The following PEX5L variants were observed in gnomAD, a reference collection of about 807,000 sequenced individuals.
PEX5L encodes the protein PEX5-related protein.
Under a neutral mutation model 84.0 loss-of-function variants are expected in PEX5L, and 30 were observed. That is an observed-to-expected ratio of 0.36 (90% CI 0.27 to 0.48). The LOEUF (loss-of-function observed/expected upper bound fraction) is 0.48, where lower values mean the gene tolerates loss of function less well. Ranked by LOEUF, PEX5L falls within the 20% of genes least tolerant of loss-of-function variation. The pLI, the probability that PEX5L is intolerant of heterozygous loss-of-function variation, is 0.99. For missense variants in PEX5L, 533 were observed against 754.6 expected, an observed-to-expected ratio of 0.71 and a Z score of 3.44; for synonymous variants, 270 against 283.1, an observed-to-expected ratio of 0.95 and a Z score of 0.46.
chr3:179,951,460 T>G (rs1434009201), intron 2 of PEX5L, among the ~76,000 whole-genome samples: 1 of 151,962 alleles, frequency 6.6e-6, no homozygotes, highest in Admixed American at 6.6e-5. Flanking sequence ...CTACAAAGAC[T>G]CCTTAAAAAA....
intron 1 of PEX5L, chr3:179,973,311 C>T: frequency 1.6e-6 from 2 of 1,261,118 alleles, no homozygotes; most frequent in Non-Finnish European, 1.0e-6. Context: ...GACCAGAGAA[C>T]CACAGATCTT....
chr3:179,961,566 C>T (rs577938138), intron 2 of PEX5L, among the ~76,000 whole-genome samples: 7 of 152,204 alleles, frequency 4.6e-5, no homozygotes, highest in African/African-American at 1.7e-4. Context: ...AGAGCGTGGG[C>T]ATCTCAGTCC....
chr3:179,878,988 C>T (rs1301862237), intron 5 of PEX5L, among the ~76,000 whole-genome samples: 1 of 152,156 alleles, frequency 6.6e-6, no homozygotes, highest in Non-Finnish European at 1.5e-5. Flanking sequence ...TAAATTAATT[C>T]ATGACCATTT....
At chr3:179,936,059 TCTCAGG>T (rs1560793898) in intron 2 of PEX5L, among the ~76,000 whole-genome samples, 1 of 152,148 alleles carries the variant, frequency 6.6e-6, no homozygotes, top group African/African-American at 2.4e-5. Flanking sequence ...AATTATCCAG[TCTCAGG>T]TATCTTGTTA....
chr3:179,874,600 GTAAGAGGCTACAGTGTGC>G (rs1751520998), intron 6 of PEX5L, among the ~76,000 whole-genome samples, 177 bp from the exon 7 acceptor site: 2 of 152,074 alleles, frequency 1.3e-5, no homozygotes, highest in Admixed American at 1.3e-4. Flanking sequence ...CTTTCAGAAT[GTAAGAGGCTACAGTGTGC>G]TAGGTGTTAT....
chr3:179,979,308 A>G (rs1786094931), intron 1 of PEX5L, among the ~76,000 whole-genome samples: 1 of 152,146 alleles, frequency 6.6e-6, no homozygotes, highest in Non-Finnish European at 1.5e-5. Flanking sequence ...TTTTTCTTTC[A>G]GCTGGCATGT....
In PEX5L at chr3:179,831,423, GA is replaced by G. The variant is rs576294986; in HGVS notation, c.823-11448del. On this transcript the variant is annotated intron_variant, in intron 8 of 14. Coordinates refer to ENST00000467460, the MANE Select transcript of PEX5L (RefSeq NM_016559.3). Reference sequence around the variant, plus strand: ...CTCTTTGAAGTAATTCATAAAATTTGAAGGGTAGCATCTTCTCAAAGTAATC... The same window carrying G: ...CTCTTTGAAGTAATTCATAAAATTTGAGGGTAGCATCTTCTCAAAGTAATC... Among the ~76,000 whole-genome samples the G allele has an allele frequency of 1.1e-4, 17 of 151,810 alleles. No homozygotes were observed. The East Asian group carries it at 3.3e-3, about 29-fold the overall frequency.
At chr3:179,980,997 C>A (rs901920491) in intron 1 of PEX5L, among the ~76,000 whole-genome samples, 9 of 147,390 alleles carry the variant, frequency 6.1e-5, no homozygotes, top group African/African-American at 2.3e-4. Flanking sequence ...GTACTCTAGT[C>A]TGGGTGACAG....
intron 11 of PEX5L, among the ~76,000 whole-genome samples, chr3:179,811,291 T>A (rs555446565): frequency 6.6e-6 from 1 of 152,146 alleles, no homozygotes; most frequent in African/African-American, 2.4e-5. Flanking sequence ...TATAGCACTA[T>A]ATTAAAGGCA....
chr3:179,872,086 T>C (rs143803029), intron 7 of PEX5L, among the ~76,000 whole-genome samples: 2 of 152,278 alleles, frequency 1.3e-5, no homozygotes, highest in African/African-American at 2.4e-5. Flanking sequence ...GGTTTTGCTA[T>C]GTATCCCAGG....
At chr3:179,893,470 G>A (rs868332832) in intron 3 of PEX5L, among the ~76,000 whole-genome samples, 3 of 151,946 alleles carry the variant, frequency 2.0e-5, no homozygotes, top group Non-Finnish European at 2.9e-5. Context: ...ATCTTGTTTC[G>A]TGACTTGAAT....
chr3:179,818,591 C>T (rs1004384382), intron 9 of PEX5L, among the ~76,000 whole-genome samples: 1 of 151,860 alleles, frequency 6.6e-6, no homozygotes, highest in African/African-American at 2.4e-5. Context: ...GTTCCCTACC[C>T]CCCTCCCCTG....
chr3:179,978,461 A>T (rs773087806), intron 1 of PEX5L, among the ~76,000 whole-genome samples: 5 of 152,162 alleles, frequency 3.3e-5, no homozygotes, highest in Non-Finnish European at 5.9e-5. Flanking sequence ...CACACTGCAA[A>T]GTTAAAATAA....
rs375446385 is a variant in PEX5L at position 179,925,309 on chromosome 3, C to T, written c.94-27063G>A. 4.6e-5 allele frequency among the ~76,000 whole-genome samples: 7 copies of T among 152,136 alleles called. No individual in the cohort carries two copies. In the South Asian group the frequency reaches 6.2e-4, roughly 14 times the overall value. ...TCCTCACGCCCCTACTCCCCATCTG[C>T]CTAGCTCACCCGTCCATCATGCCCT... On this transcript the variant is annotated intron_variant, in intron 2 of 14. Transcript: ENST00000467460.
At chr3:179,867,761 C>T (rs760087744) in intron 7 of PEX5L, among the ~76,000 whole-genome samples, 3 of 152,100 alleles carry the variant, frequency 2.0e-5, no homozygotes, top group African/African-American at 7.2e-5. Flanking sequence ...AAAGTAAGGG[C>T]TTGACAATCA....
chr3:179,998,152 G>T (rs56116940), intron 1 of PEX5L, among the ~76,000 whole-genome samples: 19,393 of 152,204 alleles, frequency 0.13, 1,371 homozygotes, highest in African/African-American at 0.19. Flanking sequence ...CCAGTGGTGT[G>T]GGGCCTGTCG....
chr3:179,844,097 T>C (rs187577928), intron 8 of PEX5L, among the ~76,000 whole-genome samples: 18 of 152,352 alleles, frequency 1.2e-4, no homozygotes, highest in African/African-American at 4.1e-4. Flanking sequence ...ACTTCCATTA[T>C]GCTCCGGATC....
At chr3:179,946,257 A>C (rs1157274192) in intron 2 of PEX5L, among the ~76,000 whole-genome samples, 5 of 152,194 alleles carry the variant, frequency 3.3e-5, no homozygotes, top group African/African-American at 1.2e-4. Context: ...AATATAGAGT[A>C]AGTGAACTAA....
intron 2 of PEX5L, among the ~76,000 whole-genome samples, chr3:179,909,919 G>A (rs773864213): frequency 2.0e-5 from 3 of 152,102 alleles, no homozygotes; most frequent in Non-Finnish European, 2.9e-5. Context: ...CTCCAGAAAC[G>A]GGAGAAAATA....
Sources: gnomAD v4.1 joint callset for allele counts (sites outside exome capture counted in the v4.1 genomes callset) on GRCh38, gnomAD v4.1.1 for gene constraint, MANE v1.5 for transcripts, NCBI Gene and HGNC (gene_info 2026-07-23, HGNC 2026-07-21) for gene names.